Variants in ANK2 observed in about 807,000 individuals in gnomAD.
ANK2 encodes the protein ankyrin 2, also known as ankyrin-2.
ANK2 carries 83 observed loss-of-function variants against 360.5 expected under a neutral mutation model. The observed-to-expected ratio is 0.23, with a 90% CI of 0.19 to 0.28. The LOEUF is 0.28. Ranked by LOEUF, ANK2 falls within the 10% of genes least tolerant of loss-of-function variation. The probability of loss-of-function intolerance (pLI) is 1.00; values close to 1 mark genes in which losing one functional copy is unlikely to be tolerated. For missense variants in ANK2, 4,201 were observed against 4,795.7 expected, an observed-to-expected ratio of 0.88 and a Z score of 3.66; for synonymous variants, 1,740 against 1,759.5, an observed-to-expected ratio of 0.99 and a Z score of 0.28.
chr4:113,369,302 A>T (rs1403701549), intron 42 of ANK2, among the ~76,000 whole-genome samples: 7 of 152,082 alleles, frequency 4.6e-5, no homozygotes, highest in Admixed American at 3.9e-4. Context: ...TAATAACATC[A>T]CTCTCTGCCA....
At position 112,904,459 on chromosome 4, in the gene ANK2, G is replaced by A. The variant is rs1365917128; in HGVS notation, c.-35G>A. On this transcript the variant is annotated 5_prime_UTR_variant, in exon 2 of 31. Coordinates refer to the ANK2 transcript ENST00000503271. ...TTCTCTTTTTTATCCTTTTAGGTAAGTAATGAAAAGAGACATGAAGAATTG... is the reference window on the plus strand; with the variant it reads ...TTCTCTTTTTTATCCTTTTAGGTAAATAATGAAAAGAGACATGAAGAATTG... The A allele has an allele frequency of 2.0e-6, 3 of 1,464,008 alleles. 1 individual carries two copies. In the South Asian group the frequency reaches 4.0e-5, roughly 19 times the overall value. 90.7% of individuals were successfully genotyped at this position (1,464,008 alleles called of 1,614,324 possible).
At chr4:113,156,431 C>A (rs1216330010) in intron 1 of ANK2, among the ~76,000 whole-genome samples, 1 of 139,560 alleles carries the variant, frequency 7.2e-6, no homozygotes, top group Admixed American at 7.9e-5. Context: ...AGTGCAGTGA[C>A]GTGATCACGA....
chr4:112,898,356 G>A (rs2082317181), intron 1 of ANK2, among the ~76,000 whole-genome samples: 1 of 152,046 alleles, frequency 6.6e-6, no homozygotes, highest in South Asian at 2.1e-4. Flanking sequence ...AGCTTCATGG[G>A]CTTTCTTTGT....
At chr4:113,181,892 G>A (rs62313181) in intron 2 of ANK2, among the ~76,000 whole-genome samples, 19,799 of 152,098 alleles carry the variant, frequency 0.13, 1,401 homozygotes, top group East Asian at 0.25. Flanking sequence ...CTATTTTAAG[G>A]ACTTTGGCTT....
At chr4:113,096,451 C>T (rs1309432322) in intron 1 of ANK2, among the ~76,000 whole-genome samples, 1 of 152,120 alleles carries the variant, frequency 6.6e-6, no homozygotes, top group Non-Finnish European at 1.5e-5. Flanking sequence ...TCTCTGCCAT[C>T]CTTACCATGA....
intron 2 of ANK2, among the ~76,000 whole-genome samples, chr4:113,026,192 T>C (rs1411530123): frequency 6.6e-6 from 1 of 152,194 alleles, no homozygotes; most frequent in Non-Finnish European, 1.5e-5. Flanking sequence ...ACCGCTGCAA[T>C]TTAGTTCTAT....
At chr4:113,042,611 A>T (rs927551434) in intron 2 of ANK2, among the ~76,000 whole-genome samples, 7 of 152,136 alleles carry the variant, frequency 4.6e-5, no homozygotes, top group African/African-American at 1.7e-4. Context: ...GAGTCTATGG[A>T]CAAACATGCT....
chr4:113,364,995 A>G (rs2154052291), intron 40 of ANK2, 44 bp from the exon 41 acceptor site: 2 of 1,612,308 alleles, frequency 1.2e-6, no homozygotes, highest in African/African-American at 1.3e-5. Flanking sequence ...GATTTTTAAG[A>G]GTACCTCTCA....
At chr4:113,331,066 G>A (rs2092329457) in intron 27 of ANK2, among the ~76,000 whole-genome samples, 1 of 152,086 alleles carries the variant, frequency 6.6e-6, no homozygotes, top group Non-Finnish European at 1.5e-5. Flanking sequence ...GCAGAATTTA[G>A]CATTTCTTCT....
At chr4:113,182,280 G>A (rs2098434366) in intron 2 of ANK2, among the ~76,000 whole-genome samples, 1 of 152,274 alleles carries the variant, frequency 6.6e-6, no homozygotes, top group Non-Finnish European at 1.5e-5. Flanking sequence ...CAGCAGGTCA[G>A]TTTTGAACAT....
At chr4:112,998,219 G>C (rs913814624) in intron 2 of ANK2, among the ~76,000 whole-genome samples, 9 of 151,932 alleles carry the variant, frequency 5.9e-5, no homozygotes, top group Non-Finnish European at 1.3e-4. Flanking sequence ...GTTTTGCCAA[G>C]GGCAAATGGA....
At chr4:113,298,995 T>C (rs1374058219) in intron 22 of ANK2, among the ~76,000 whole-genome samples, 3 of 152,246 alleles carry the variant, frequency 2.0e-5, no homozygotes, top group African/African-American at 7.2e-5. Context: ...TTCTCATGTA[T>C]AAATGATATT....
intron 2 of ANK2, among the ~76,000 whole-genome samples, chr4:113,016,693 A>G (rs1044183721): frequency 2.6e-5 from 4 of 152,186 alleles, no homozygotes; most frequent in African/African-American, 9.7e-5. Context: ...GACACAAAGG[A>G]ATGAAAATAG....
At chr4:113,281,318 G>A (rs1320233420) in intron 17 of ANK2, among the ~76,000 whole-genome samples, 2 of 152,002 alleles carry the variant, frequency 1.3e-5, no homozygotes, top group African/African-American at 2.4e-5. Flanking sequence ...TGGGCAGATC[G>A]CTTGAGCTCA....
At chr4:113,190,971 A>C (rs2098651754) in intron 2 of ANK2, among the ~76,000 whole-genome samples, 1 of 152,208 alleles carries the variant, frequency 6.6e-6, no homozygotes, top group Non-Finnish European at 1.5e-5. Context: ...TACTAAAGAA[A>C]TAATTTACCT....
intron 13 of ANK2, among the ~76,000 whole-genome samples, chr4:113,264,645 C>G (rs904566452): frequency 6.6e-6 from 1 of 151,682 alleles, no homozygotes; most frequent in African/African-American, 2.4e-5. Flanking sequence ...TCGCTTGAAC[C>G]CTGGAGGTGG....
chr4:113,371,520 C>A (rs2096738343), intron 43 of ANK2, among the ~76,000 whole-genome samples: 1 of 152,146 alleles, frequency 6.6e-6, no homozygotes, highest in Admixed American at 6.5e-5. Context: ...TATGTTTAAT[C>A]TATACTAAAG....
chr4:113,072,953 C>CTTT lies in ANK2; in HGVS notation c.84+23165_84+23167dup, dbSNP rs77468290. Among the ~76,000 whole-genome samples the CTTT allele has an allele frequency of 5.9e-3, 352 of 59,408 alleles. 102 individuals carry two copies. Among genetic ancestry groups the CTTT allele is most frequent in the African/African-American group, 0.015 (196 of 13,100 alleles). The allele number at this position is 59,408 out of a possible 152,430, so 39.0% of individuals were successfully genotyped here. ...CTCGACTCTGTCACAAGGACAGTGT[C>CTTT]TTTTTTTTTTTTTTTTTTTTTTTTT... On this transcript the variant is annotated intron_variant, in intron 1 of 45. Coordinates refer to ENST00000357077, the MANE Select transcript of ANK2 (RefSeq NM_001148.6).
Position 113,282,611 on chromosome 4 carries a change from A to G in ANK2, c.1882-64A>G, listed in dbSNP as rs570182182. ...TTAGAGATTTTTATTTCCTTTAGAG[A>G]TACGTATTAGAGCAATTGTTAATCT... On this transcript the variant is annotated intron_variant, in intron 17 of 45. Transcript: ENST00000357077. 7 of 1,389,860 alleles carry G rather than the reference A, an allele frequency of 5.0e-6. No homozygotes were observed. The East Asian group carries it at 1.5e-4, about 29-fold the overall frequency. The allele number at this position is 1,389,860 out of a possible 1,614,324, so 86.1% of individuals were successfully genotyped here.
Sources: gnomAD v4.1 joint callset for allele counts (sites outside exome capture counted in the v4.1 genomes callset) on GRCh38, gnomAD v4.1.1 for gene constraint, MANE v1.5 for transcripts, NCBI Gene and HGNC (gene_info 2026-07-23, HGNC 2026-07-21) for gene names.